The following RAB38 variants were observed in gnomAD, a reference collection of about 807,000 sequenced individuals.
RAB38 encodes the protein RAB38, member RAS oncogene family.
Under a neutral mutation model 18.4 loss-of-function variants are expected in RAB38, and 15 were observed. That is an observed-to-expected ratio of 0.82 (90% CI 0.55 to 1.26). The LOEUF (loss-of-function observed/expected upper bound fraction) is 1.26. RAB38 is among the 50% of genes most tolerant of loss of function. The pLI, the probability that RAB38 is intolerant of heterozygous loss-of-function variation, is 0.00. For missense variants in RAB38, 294 were observed against 267.4 expected, an observed-to-expected ratio of 1.10 and a Z score of -0.69; for synonymous variants, 101 against 104.4, an observed-to-expected ratio of 0.97 and a Z score of 0.20.
At chr11:87,951,854 C>G in the RAB38 span, among the ~76,000 whole-genome samples, 19 of 152,188 alleles carry the variant, frequency 1.2e-4, no homozygotes, top group Non-Finnish European at 1.8e-4. Flanking sequence ...CAGGGACCCA[C>G]TTGAGGAGGC....
the RAB38 span, among the ~76,000 whole-genome samples, chr11:87,823,007 A>G: frequency 1.3e-5 from 2 of 152,208 alleles, no homozygotes; most frequent in African/African-American, 4.8e-5. Flanking sequence ...GAAAAATATT[A>G]AAGTCTTGTT....
chr11:87,847,312 G>T, the RAB38 span, among the ~76,000 whole-genome samples: 1 of 152,038 alleles, frequency 6.6e-6, no homozygotes, highest in African/African-American at 2.4e-5. Flanking sequence ...TGCTTAATGT[G>T]TAGGATTTGT....
At chr11:87,922,851 CAGAG>C in the RAB38 span, among the ~76,000 whole-genome samples, 1 of 141,524 alleles carries the variant, frequency 7.1e-6, no homozygotes, top group African/African-American at 2.6e-5. Context: ...ACAGCGGAAA[CAGAG>C]AGGAGGAATA....
At chr11:87,952,685 C>T in the RAB38 span, among the ~76,000 whole-genome samples, 1 of 152,244 alleles carries the variant, frequency 6.6e-6, no homozygotes, top group African/African-American at 2.4e-5. Flanking sequence ...TCACTATGTC[C>T]TGAGGATTGT....
At chr11:87,976,494 TTATA>T in the RAB38 span, among the ~76,000 whole-genome samples, 2 of 105,520 alleles carry the variant, frequency 1.9e-5, no homozygotes, top group Non-Finnish European at 3.5e-5. Flanking sequence ...TTTTATATAT[TTATA>T]TATTTGTAAT....
the RAB38 span, among the ~76,000 whole-genome samples, chr11:87,823,906 T>C: frequency 6.6e-6 from 1 of 152,160 alleles, no homozygotes; most frequent in Non-Finnish European, 1.5e-5. Context: ...CATAGAAAGC[T>C]AGTACACAAT....
the RAB38 span, among the ~76,000 whole-genome samples, chr11:87,928,736 T>A: frequency 6.6e-6 from 1 of 152,090 alleles, no homozygotes; most frequent in East Asian, 1.9e-4. Context: ...CAAAGAATTG[T>A]ATAAACACTC....
At chr11:88,115,119 G>GA (rs1255631059) in intron 2 of RAB38, among the ~76,000 whole-genome samples, 1 of 152,134 alleles carries the variant, frequency 6.6e-6, no homozygotes, top group African/African-American at 2.4e-5. Flanking sequence ...AAGACATATA[G>GA]AAAATATACT....
At chr11:87,863,697 C>T in the RAB38 span, among the ~76,000 whole-genome samples, 1 of 151,740 alleles carries the variant, frequency 6.6e-6, no homozygotes, top group African/African-American at 2.4e-5. Context: ...CTGCTTGATC[C>T]CGTATTTTTA....
chr11:87,914,850 G>T, the RAB38 span, among the ~76,000 whole-genome samples: 1 of 152,170 alleles, frequency 6.6e-6, no homozygotes, highest in African/African-American at 2.4e-5. Context: ...GTGGCCCCAA[G>T]TGTGACCCAG....
At chr11:87,885,345 T>G in the RAB38 span, among the ~76,000 whole-genome samples, 6 of 146,412 alleles carry the variant, frequency 4.1e-5, 1 homozygote, top group Non-Finnish European at 9.1e-5. Context: ...GCTTCTGCTC[T>G]CTCTGCTTTG....
the RAB38 span, among the ~76,000 whole-genome samples, chr11:87,936,457 T>C: frequency 7.9e-5 from 12 of 152,224 alleles, no homozygotes; most frequent in African/African-American, 2.6e-4. Context: ...GTTGGGTACA[T>C]TTGTATGGAA....
At chr11:87,851,552 TC>T in the RAB38 span, among the ~76,000 whole-genome samples, 1 of 152,142 alleles carries the variant, frequency 6.6e-6, no homozygotes, top group Non-Finnish European at 1.5e-5. Flanking sequence ...TTCTACTTTT[TC>T]CCCAGCTATT....
At chr11:87,934,387 A>G in the RAB38 span, among the ~76,000 whole-genome samples, 1 of 152,148 alleles carries the variant, frequency 6.6e-6, no homozygotes, top group African/African-American at 2.4e-5. Context: ...CCATGTCATC[A>G]TAACAGATTG....
the RAB38 span, among the ~76,000 whole-genome samples, chr11:87,922,991 A>G: frequency 6.6e-6 from 1 of 151,884 alleles, no homozygotes; most frequent in South Asian, 2.1e-4. Context: ...AAATAAAAGA[A>G]TAGGGGAACA....
chr11:88,153,225 G>T (rs1565218092), intron 1 of RAB38, among the ~76,000 whole-genome samples: 1 of 152,190 alleles, frequency 6.6e-6, no homozygotes, highest in African/African-American at 2.4e-5. Flanking sequence ...TGAACTTGGT[G>T]TGGCTGATCT....
intron 1 of RAB38, among the ~76,000 whole-genome samples, chr11:88,168,801 G>A (rs1226630024): frequency 1.3e-5 from 2 of 152,054 alleles, no homozygotes; most frequent in African/African-American, 4.8e-5. Context: ...GACTTCACCA[G>A]GCCTCAAGGA....
At chr11:87,834,621 C>T in the RAB38 span, among the ~76,000 whole-genome samples, 2 of 152,182 alleles carry the variant, frequency 1.3e-5, no homozygotes, top group East Asian at 3.9e-4. Context: ...GGGCGAAATT[C>T]AGTTGAGGGA....
chr11:87,944,049 C>CACAATAAGTT, the RAB38 span, among the ~76,000 whole-genome samples: 1 of 152,028 alleles, frequency 6.6e-6, no homozygotes, highest in Admixed American at 6.6e-5. Context: ...AAGCAAATGT[C>CACAATAAGTT]ACAATAAGTT....
Sources: allele counts gnomAD v4.1 joint callset (sites outside exome capture counted in the v4.1 genomes callset), GRCh38; gene constraint gnomAD v4.1.1; transcripts MANE v1.5; gene names NCBI Gene and HGNC (gene_info 2026-07-23, HGNC 2026-07-21).